Variants in RAB10 observed in about 807,000 individuals in gnomAD.
RAB10 encodes the protein RAB10, member RAS oncogene family.
Under a neutral mutation model 25.7 loss-of-function variants are expected in RAB10, and 5 were observed. That is an observed-to-expected ratio of 0.19 (90% CI 0.10 to 0.41). The LOEUF (loss-of-function observed/expected upper bound fraction) is 0.41. RAB10 is among the 10% of genes least tolerant of loss of function. The pLI is 1.00. For missense variants in RAB10, 103 were observed against 245.8 expected, an observed-to-expected ratio of 0.42 and a Z score of 3.89; for synonymous variants, 89 against 86.4, an observed-to-expected ratio of 1.03 and a Z score of -0.16.
chr2:26,068,534 G>T (rs999989006), intron 1 of RAB10, among the ~76,000 whole-genome samples: 1 of 152,124 alleles, frequency 6.6e-6, no homozygotes, highest in African/African-American at 2.4e-5. Flanking sequence ...CAGTGACTGT[G>T]ACAGTGAGCC....
At chr2:26,042,782 T>A (rs575774333) in intron 1 of RAB10, 81 of 151,622 alleles carry the variant, frequency 5.3e-4, no homozygotes, top group African/African-American at 1.9e-3. Context: ...TCATAATTAC[T>A]ATTTAAAAAA....
chr2:26,075,406 C>T (rs1666711407), intron 1 of RAB10, among the ~76,000 whole-genome samples: 1 of 152,124 alleles, frequency 6.6e-6, no homozygotes, highest in Non-Finnish European at 1.5e-5. Context: ...CCTCCTCCCT[C>T]TTTGTTGGAA....
intron 1 of RAB10, among the ~76,000 whole-genome samples, chr2:26,093,170 A>T (rs1667144075): frequency 6.6e-6 from 1 of 152,146 alleles, no homozygotes; most frequent in Non-Finnish European, 1.5e-5. Flanking sequence ...AACTCACTGA[A>T]TGATATTGTT....
At chr2:26,047,918 G>T (rs1666050655) in intron 1 of RAB10, among the ~76,000 whole-genome samples, 1 of 151,114 alleles carries the variant, frequency 6.6e-6, no homozygotes, top group South Asian at 2.1e-4. Context: ...TGGAGACGAG[G>T]TTTCACCATG....
intron 1 of RAB10, among the ~76,000 whole-genome samples, chr2:26,037,242 T>G (rs763341984): frequency 1.3e-5 from 2 of 152,174 alleles, no homozygotes; most frequent in Non-Finnish European, 2.9e-5. Flanking sequence ...GGAAGATGTG[T>G]GATGATTTTG....
intron 1 of RAB10, among the ~76,000 whole-genome samples, chr2:26,068,752 C>T (rs1273661982): frequency 6.6e-6 from 1 of 152,168 alleles, no homozygotes; most frequent in Non-Finnish European, 1.5e-5. Context: ...CTCTGGTTAA[C>T]ATATGGGCTG....
At chr2:26,036,309 A>G (rs909242777) in intron 1 of RAB10, among the ~76,000 whole-genome samples, 1 of 152,198 alleles carries the variant, frequency 6.6e-6, no homozygotes, top group Non-Finnish European at 1.5e-5. Context: ...ACAGGGAGGA[A>G]GAGTGGCTAG....
At chr2:26,075,243 T>TC (rs1666708458) in intron 1 of RAB10, among the ~76,000 whole-genome samples, 1 of 152,196 alleles carries the variant, frequency 6.6e-6, no homozygotes, top group African/African-American at 2.4e-5. Context: ...TCTCTTTTTT[T>TC]CCCAGTCATA....
chr2:26,086,502 C>T (rs1228216837), intron 1 of RAB10, among the ~76,000 whole-genome samples: 1 of 152,170 alleles, frequency 6.6e-6, no homozygotes, highest in Non-Finnish European at 1.5e-5. Flanking sequence ...TTATACGTTG[C>T]TCATGTGAAT....
intron 1 of RAB10, among the ~76,000 whole-genome samples, chr2:26,049,813 T>TTATTC (rs1447143518): frequency 6.6e-6 from 1 of 152,224 alleles, no homozygotes; most frequent in African/African-American, 2.4e-5. Flanking sequence ...TTTAGTTAAG[T>TTATTC]AGCCTACTAT....
chr2:26,116,315 A>C (rs1667686692), intron 3 of RAB10, among the ~76,000 whole-genome samples: 1 of 151,852 alleles, frequency 6.6e-6, no homozygotes, highest in Non-Finnish European at 1.5e-5. Flanking sequence ...ACCATGCCTG[A>C]CTCACAGGTC....
chr2:26,076,706 G>A (rs1666743115), intron 1 of RAB10, among the ~76,000 whole-genome samples: 1 of 152,138 alleles, frequency 6.6e-6, no homozygotes, highest in African/African-American at 2.4e-5. Flanking sequence ...CACTTTGGAA[G>A]GTAGAGGCGG....
rs138169945 is a variant in RAB10, at chr2:26,064,861, A to G, written c.127+30126A>G. Among the ~76,000 whole-genome samples the G allele has an allele frequency of 2.4e-3, 370 of 152,138 alleles. 2 individuals are homozygous for G. The highest frequency in any genetic ancestry group is 8.5e-3 in the African/African-American group (354 of 41,512). On this transcript the variant is annotated intron_variant, in intron 1 of 5. Coordinates refer to ENST00000264710, the MANE Select transcript of RAB10 (RefSeq NM_016131.5). ...CAGGAGTCGGAGACCAGTGTAGTCA[A>G]CCTAGCAAGACTCCTGTCTCCACAC...
rs965337889 is a variant in RAB10, at chr2:26,034,165, A to G, written c.-444A>G. ...CGGGGTGGCTCGGTTTCCTGGGGCT[A>G]TGTAACTGAGCTCGTCGACTTAGGG... On this transcript the variant is annotated 5_prime_UTR_variant, in exon 1 of 6. An upstream start codon of the reference 5' UTR is lost. Transcript: ENST00000264710. The G allele has an allele frequency of 2.7e-5, 11 of 411,790 alleles. No homozygotes were observed. The highest frequency in any genetic ancestry group is 2.1e-4 in the African/African-American group (10 of 48,766). The allele number at this position is 411,790 out of a possible 1,614,324, so 25.5% of individuals were successfully genotyped here. A position where few individuals can be genotyped will look rare whatever the true frequency, so the allele number is the denominator to read the frequency against.
intron 1 of RAB10, among the ~76,000 whole-genome samples, chr2:26,064,580 A>G (rs1158027234): frequency 6.6e-6 from 1 of 152,114 alleles, no homozygotes; most frequent in Non-Finnish European, 1.5e-5. Context: ...CCTGAGCTCA[A>G]GTGAACTGCC....
intron 3 of RAB10, among the ~76,000 whole-genome samples, chr2:26,123,578 A>G (rs1056900754): frequency 6.6e-6 from 1 of 152,238 alleles, no homozygotes; most frequent in Admixed American, 6.5e-5. Flanking sequence ...ACAAGAGCTA[A>G]TAGACATCAA....
chr2:26,062,854 C>A (rs1203047044), intron 1 of RAB10, among the ~76,000 whole-genome samples: 1 of 152,064 alleles, frequency 6.6e-6, no homozygotes, highest in African/African-American at 2.4e-5. Context: ...GTGGCTCATG[C>A]CTGTAATTCC....
intron 1 of RAB10, among the ~76,000 whole-genome samples, chr2:26,086,849 T>G (rs974461187): frequency 6.6e-6 from 1 of 152,212 alleles, no homozygotes; most frequent in African/African-American, 2.4e-5. Context: ...TTAAACATAC[T>G]AAGTGAAAGA....
intron 3 of RAB10, among the ~76,000 whole-genome samples, chr2:26,120,427 A>AG (rs1171489914): frequency 6.6e-6 from 1 of 152,188 alleles, no homozygotes; most frequent in African/African-American, 2.4e-5. Flanking sequence ...TTAGATTCTG[A>AG]GATCAAAATG....
Sources: allele counts gnomAD v4.1 joint callset (sites outside exome capture counted in the v4.1 genomes callset), GRCh38; gene constraint gnomAD v4.1.1; transcripts MANE v1.5; gene names NCBI Gene and HGNC (gene_info 2026-07-23, HGNC 2026-07-21).